MBD4: variants seen among roughly 807,000 people sequenced by gnomAD.
The protein encoded by MBD4 is methyl-CpG binding domain 4, DNA glycosylase, also known as methyl-CpG-binding domain protein 4.
MBD4 carries 53 observed loss-of-function variants against 60.2 expected under a neutral mutation model. That is an observed-to-expected ratio of 0.88 (90% confidence interval 0.71 to 1.11). The LOEUF (loss-of-function observed/expected upper bound fraction) is 1.11, where lower values mean the gene tolerates loss of function less well. Ranked by LOEUF, MBD4 falls within the 50% of genes least tolerant of loss-of-function variation. The pLI, the probability that MBD4 is intolerant of heterozygous loss-of-function variation, is 0.00. For synonymous variants in MBD4, 231 were observed against 229.8 expected (o/e 1.01, Z -0.05); for missense variants, 619 against 674.0 (o/e 0.92, Z 0.90).
chr3:129,436,549 C>T lies in MBD4; in HGVS notation c.1095G>A (p.Val365=), dbSNP rs752797330. ...CAGTATGCAAATGTTCTTTCCTTTC[C>T]ACAACTTCTACTTTTGTTCCGATTT... ...SEEIGTKVEV[V]ERKEHLHTDI... is the part of the protein sequence containing the mutation. Residue 365 remains valine (V), a synonymous_variant, in exon 3 of 8, where the codon GTG becomes GTA. Transcript: ENST00000429544. 15 of 1,613,982 alleles carry T rather than the reference C, an allele frequency of 9.3e-6. No homozygotes were observed. The highest frequency in any genetic ancestry group is 1.2e-5 in the Non-Finnish European group (14 of 1,180,028).
At chr3:129,439,205 G>A (rs1315047286) in intron 1 of MBD4, among the ~76,000 whole-genome samples, 1 of 152,138 alleles carries the variant, frequency 6.6e-6, no homozygotes. Flanking sequence ...CTTATGAAAT[G>A]ATATTGTTTA....
At position 129,433,342 on chromosome 3, in the gene MBD4, T is replaced by C. The variant is rs186547981; in HGVS notation, c.1394-95A>G. 5.4e-5 allele frequency: 76 copies of C among 1,397,336 alleles called. No individual in the cohort carries two copies. The African/African-American group carries it at 1.0e-3, about 18-fold the overall frequency. 86.6% of individuals were successfully genotyped at this position (1,397,336 alleles called of 1,614,324 possible). On this transcript the variant is annotated intron_variant, in intron 5 of 7. Transcript: ENST00000429544. ...CATAGAAATCTCATCCAGAGGGTTT[T>C]TTTTTTTAAAGAAAACAAAAAACAA... is the stretch of plus-strand genomic sequence containing the variant.
chr3:129,433,375 C>G (rs2072394281), intron 5 of MBD4, 128 bp from the exon 6 acceptor site: 4 of 1,007,112 alleles, frequency 4.0e-6, no homozygotes, highest in African/African-American at 3.3e-5. Context: ...CAAAAAAACA[C>G]TGGTGAGAAG....
chr3:129,436,853 CT>C lies in MBD4; in HGVS notation c.790del (p.Arg264GlufsTer39). On this transcript the variant is annotated frameshift_variant, in exon 3 of 8. Transcript: ENST00000429544. LOFTEE classifies it high-confidence loss of function. ...CSGFVQSDSK[R>X]ESVCNKADAE... The stretch of plus-strand genomic sequence containing the variant: ...ATCTGCTTTATTACACACAGATTCT[CT>C]TTTGCTATCACTTTGAACAAAACCT... 6.2e-7 allele frequency: 1 copy of C among 1,614,132 alleles called. No individual in the cohort carries two copies. The highest frequency in any genetic ancestry group is 8.5e-7 in the Non-Finnish European group (1 of 1,180,022).
In MBD4 at chr3:129,433,084, G is replaced by A. The variant is rs140697; in HGVS notation, c.1543+14C>T. 233,804 of 1,612,992 alleles carry A rather than the reference G, an allele frequency of 0.14. 26,307 individuals are homozygous for A. The highest frequency in any genetic ancestry group is 0.47 in the African/African-American group (35,558 of 74,900). ...AATGTATTATGTTTTTCCTTTGGGT[G>A]TATAGGAAAATACCTGAGAACTTGA... On this transcript the variant is annotated intron_variant, in intron 6 of 7. Transcript: ENST00000429544.
chr3:129,432,066 T>C, intron 7 of MBD4: 1 of 875,118 alleles, frequency 1.1e-6, no homozygotes, highest in Non-Finnish European at 1.5e-6. Context: ...TGCCACAGGC[T>C]GGGCATATTC....
intron 6 of MBD4, 71 bp from the exon 7 acceptor site, chr3:129,432,677 G>C: frequency 7.1e-7 from 1 of 1,409,892 alleles, no homozygotes; most frequent in Non-Finnish European, 1.0e-6. Context: ...GTGGTGATGG[G>C]GCAGGATGGA....
chr3:129,432,097 C>T, intron 7 of MBD4: 1 of 1,092,580 alleles, frequency 9.2e-7, no homozygotes, highest in Non-Finnish European at 1.2e-6. Context: ...AAGCAGGACC[C>T]AGTCACCACA....
chr3:129,433,861 T>A lies in MBD4; in HGVS notation c.1382A>T (p.Asn461Ile). ...AATAATCCCCAAACCTGAGGTCCGA[T>A]TGAGAAATATAGTAGCGATGAGAAG... ...WKLLIATIFL[N>I]RTSGKMAIPV... Residue 461 changes from asparagine (N) to isoleucine (I), a missense_variant, in exon 5 of 8, where the codon AAT (asparagine) becomes ATT (isoleucine). By Grantham distance (149) the Asn-to-Ile change is moderately radical. Coordinates refer to ENST00000429544, the MANE Select transcript of MBD4 (RefSeq NM_001276270.2). 1 of 1,614,068 alleles carries A rather than the reference T, an allele frequency of 6.2e-7. No individual in the cohort carries two copies. Among genetic ancestry groups the A allele is most frequent in the Non-Finnish European group, 8.5e-7 (1 of 1,179,966 alleles).
intron 7 of MBD4, 140 bp from the exon 8 acceptor site, chr3:129,431,718 C>G: frequency 2.9e-6 from 2 of 692,200 alleles, no homozygotes; most frequent in Non-Finnish European, 5.2e-6. Context: ...CCTTTAACCT[C>G]CTGGGATTCA....
At chr3:129,434,906 T>C (rs555080485) in intron 3 of MBD4, among the ~76,000 whole-genome samples, 21 of 152,344 alleles carry the variant, frequency 1.4e-4, no homozygotes, top group African/African-American at 3.6e-4. Context: ...ACCAGTGTTA[T>C]CAGACTTCTC....
In MBD4 at chr3:129,433,967, G is replaced by T; in HGVS notation, c.1276C>A (p.Arg426Ser). 1.2e-6 allele frequency: 2 copies of T among 1,614,168 alleles called. No individual in the cohort carries two copies. Among genetic ancestry groups the T allele is most frequent in the East Asian group, 2.2e-5 (1 of 44,884 alleles). The change falls in exon 5 of 8, where the codon CGT becomes AGT. Residue 426 changes from arginine (R) to serine (S), a missense_variant. By Grantham distance (110) the Arg-to-Ser change is moderately radical. Coordinates refer to ENST00000429544, the MANE Select transcript of MBD4 (RefSeq NM_001276270.2). ...YNKEALSPPRRKAFKKWTPPR... is the reference protein window; with the variant it reads ...YNKEALSPPRSKAFKKWTPPR... Reference sequence around the variant, plus strand: ...GGTGTCCATTTCTTAAAGGCTTTACGTCGTGGGGGGCTAAGAGCTAAACAA... The same window carrying T: ...GGTGTCCATTTCTTAAAGGCTTTACTTCGTGGGGGGCTAAGAGCTAAACAA...
At chr3:129,438,098 A>G in intron 1 of MBD4, 148 bp from the exon 2 acceptor site, 1 of 622,570 alleles carries the variant, frequency 1.6e-6, no homozygotes. Flanking sequence ...GTCTTGTGCT[A>G]TGGGAGTATT....
chr3:129,432,419 CAATA>C (rs761135491), intron 7 of MBD4, 80 bp downstream of exon 7: 3 of 1,611,520 alleles, frequency 1.9e-6, no homozygotes, highest in East Asian at 2.2e-5. Context: ...CATTTGTATC[CAATA>C]AATAGTCTTA....
intron 6 of MBD4, 96 bp from the exon 7 acceptor site, chr3:129,432,702 G>A: frequency 8.4e-7 from 1 of 1,186,800 alleles, no homozygotes; most frequent in Non-Finnish European, 1.3e-6. Flanking sequence ...ACAGCAGAAA[G>A]GGACAGGAAA....
chr3:129,433,097 C>T lies in MBD4; in HGVS notation c.1543+1G>A. Reference sequence around the variant, plus strand: ...TTTCCTTTGGGTGTATAGGAAAATACCTGAGAACTTGACAATGGTTTTTGC... The same window carrying T: ...TTTCCTTTGGGTGTATAGGAAAATATCTGAGAACTTGACAATGGTTTTTGC... On this transcript the variant is annotated splice_donor_variant, in intron 6 of 7. Transcript: ENST00000429544. LOFTEE classifies it high-confidence loss of function. 2 of 1,614,136 alleles carry T rather than the reference C, an allele frequency of 1.2e-6. No homozygotes were observed. The highest frequency in any genetic ancestry group is 1.7e-6 in the Non-Finnish European group (2 of 1,180,008).
chr3:129,432,369 T>A, intron 7 of MBD4, 134 bp downstream of exon 7: 21 of 1,562,244 alleles, frequency 1.3e-5, no homozygotes, highest in Non-Finnish European at 1.8e-5. Context: ...GCCACCCGCT[T>A]CCCCGCAGCC....
chr3:129,433,338 GTTT>G, intron 5 of MBD4, 91 bp from the exon 6 acceptor site: 1 of 1,062,074 alleles, frequency 9.4e-7, no homozygotes, highest in South Asian at 1.7e-5. Context: ...CATCCAGAGG[GTTT>G]TTTTTTTTAA....
At chr3:129,432,889 A>G (rs2072379837) in intron 6 of MBD4, among the ~76,000 whole-genome samples, 1 of 152,208 alleles carries the variant, frequency 6.6e-6, no homozygotes, top group African/African-American at 2.4e-5. Context: ...AATTCTGCCC[A>G]CATGCCTGAC....
Sources: gnomAD v4.1 joint callset for allele counts (sites outside exome capture counted in the v4.1 genomes callset) on GRCh38, gnomAD v4.1.1 for gene constraint, MANE v1.5 for transcripts, NCBI Gene and HGNC (gene_info 2026-07-23, HGNC 2026-07-21) for gene names.